LPCAT4: variants seen among roughly 807,000 people sequenced by gnomAD.
The protein encoded by LPCAT4 is lysophosphatidylcholine acyltransferase 4.
A neutral mutation model predicts 66.5 loss-of-function variants in LPCAT4; 30 were observed. The observed-to-expected ratio is 0.45, with a 90% CI of 0.34 to 0.61. The LOEUF (loss-of-function observed/expected upper bound fraction) is 0.61, where lower values mean the gene tolerates loss of function less well. Among genes scored for constraint, LPCAT4 ranks in the 20% least tolerant of loss-of-function variants. The pLI is 0.01. For synonymous variants in LPCAT4, 253 were observed against 262.1 expected, an observed-to-expected ratio of 0.97 and a Z score of 0.34; for missense variants, 557 against 656.7, an observed-to-expected ratio of 0.85 and a Z score of 1.66.
chr15:34,366,032 T>G (rs758006825), intron 1 of LPCAT4: 2 of 240,584 alleles, frequency 8.3e-6, no homozygotes, highest in Non-Finnish European at 8.3e-6. Flanking sequence ...CTGTGCTTGA[T>G]GTACAGTAGG....
At chr15:34,364,590 ATTT>A (rs59218958) in intron 3 of LPCAT4, 100 of 155,888 alleles carry the variant, frequency 6.4e-4, no homozygotes, top group South Asian at 1.4e-3. Context: ...CGCCCGGCTA[ATTT>A]TTTTTTTTTT....
Position 34,362,587 on chromosome 15 carries a change from CTGA to C in LPCAT4, c.867_869del (p.Gln290del). 6.4e-7 allele frequency: 1 copy of C among 1,559,168 alleles called. No individual in the cohort carries two copies. Among genetic ancestry groups the C allele is most frequent in the Non-Finnish European group, 8.7e-7 (1 of 1,152,190 alleles). ...GGGGCACTCACTGTGCCATGACCCTCTGAACATTGTTGGCATAGAGGGTGGGGT... is the reference window on the plus strand; with the variant it reads ...GGGGCACTCACTGTGCCATGACCCTCACATTGTTGGCATAGAGGGTGGGGT... On this transcript the variant is annotated inframe_deletion, in exon 9 of 14. Transcript: ENST00000314891.
chr15:34,361,027 G>A (rs997259120), intron 11 of LPCAT4: 14 of 229,486 alleles, frequency 6.1e-5, no homozygotes, highest in African/African-American at 9.2e-5. Context: ...CTAACTGTCC[G>A]GTGTTGTTTC....
At chr15:34,365,414 C>T (rs1037478424) in intron 2 of LPCAT4, 145 bp downstream of exon 2, 1 of 1,262,840 alleles carries the variant, frequency 7.9e-7, no homozygotes. Flanking sequence ...GTCTGGGAAC[C>T]ACGTCTGAGC....
chr15:34,364,116 A>G (rs1891013252), intron 4 of LPCAT4, 43 bp from the exon 5 acceptor site: 11 of 1,601,960 alleles, frequency 6.9e-6, no homozygotes, highest in Non-Finnish European at 9.4e-6. Context: ...AGACTGAAGA[A>G]GGCTGTGGAG....
intron 1 of LPCAT4, 33 bp downstream of exon 1, chr15:34,366,954 G>A (rs1490991210): frequency 1.3e-6 from 2 of 1,540,300 alleles, no homozygotes; most frequent in Non-Finnish European, 1.8e-6. Context: ...CTATCCTCAC[G>A]GGTCCTTCCG....
At chr15:34,364,538 C>G in intron 3 of LPCAT4, 1 of 400,652 alleles carries the variant, frequency 2.5e-6, no homozygotes, top group Non-Finnish European at 4.5e-6. Flanking sequence ...ATTCTCCTGC[C>G]TCAGCCTCCC....
intron 7 of LPCAT4, 88 bp from the exon 8 acceptor site, chr15:34,362,924 A>G: frequency 2.3e-6 from 3 of 1,331,238 alleles, no homozygotes; most frequent in Non-Finnish European, 3.2e-6. Flanking sequence ...TCCCCAACCC[A>G]GGTGGGGAGT....
chr15:34,364,093 A>G lies in LPCAT4; in HGVS notation c.592-20T>C. ...TAGCACCTGGGGTAAAAAAGAGCAG[A>G]ATGAGGTGAAGAAGACTGAAGAAGG... is the stretch of plus-strand genomic sequence containing the variant. On this transcript the variant is annotated intron_variant, in intron 4 of 13. Transcript: ENST00000314891. The G allele has an allele frequency of 1.2e-6, 2 of 1,610,948 alleles. No individual in the cohort carries two copies. The highest frequency in any genetic ancestry group is 8.5e-7 in the Non-Finnish European group (1 of 1,177,210).
chr15:34,363,798 G>A lies in LPCAT4; in HGVS notation c.653-79C>T, dbSNP rs1434054863. Reference sequence around the variant, plus strand: ...TAGCTAGAGGGCATGAGGTATGGCAGTCTGGGACAGTTCTCAAATGAGATA... The same window carrying A: ...TAGCTAGAGGGCATGAGGTATGGCAATCTGGGACAGTTCTCAAATGAGATA... On this transcript the variant is annotated intron_variant, in intron 5 of 13. Coordinates refer to ENST00000314891, the MANE Select transcript of LPCAT4 (RefSeq NM_153613.3). This position sits in a 1 kb window ranked among gnomAD's most constrained non-coding sequence, Gnocchi z 4.3. 1 of 1,506,034 alleles carries A rather than the reference G, an allele frequency of 6.6e-7. No homozygotes were observed. The highest frequency in any genetic ancestry group is 1.4e-5 in the African/African-American group (1 of 72,746). The allele number at this position is 1,506,034 out of a possible 1,614,324, so 93.3% of individuals were successfully genotyped here.
chr15:34,359,489 A>G, intron 13 of LPCAT4, 100 bp downstream of exon 13: 1 of 1,456,646 alleles, frequency 6.9e-7, no homozygotes, highest in Non-Finnish European at 9.3e-7. Flanking sequence ...TCTGATCTCC[A>G]GCACTGGCCA....
intron 12 of LPCAT4, 24 bp downstream of exon 12, chr15:34,360,087 C>A: frequency 2.6e-6 from 4 of 1,531,546 alleles, no homozygotes; most frequent in South Asian, 1.1e-5. Context: ...CTAAGCACCC[C>A]CCACCACCGC....
intron 3 of LPCAT4, chr15:34,364,551 G>A: frequency 2.9e-6 from 1 of 343,632 alleles, no homozygotes. Context: ...AGCCTCCCGA[G>A]TAGCTGGGAT....
intron 3 of LPCAT4, chr15:34,364,791 T>C (rs556017627): frequency 2.2e-4 from 119 of 547,982 alleles, no homozygotes; most frequent in Admixed American, 3.4e-4. Flanking sequence ...TTATAGTAGT[T>C]GTCCTTTTAG....
Position 34,365,231 on chromosome 15 carries a change from G to T in LPCAT4, c.258-3C>A. ...GCACCCCGTTGTGGCACACAGTCCT[G>T]CCAGGGCAAGGCTGGGTATCAGCGG... On this transcript the variant is annotated splice_polypyrimidine_tract_variant and splice_region_variant and intron_variant, in intron 2 of 13. Coordinates refer to ENST00000314891, the MANE Select transcript of LPCAT4 (RefSeq NM_153613.3). The T allele has an allele frequency of 6.3e-7, 1 of 1,599,298 alleles. No homozygotes were observed. The highest frequency in any genetic ancestry group is 8.5e-7 in the Non-Finnish European group (1 of 1,173,544).
rs2140168848 is a variant in LPCAT4 at position 34,364,076 on chromosome 15, G to A, written c.592-3C>T. Reference sequence around the variant, plus strand: ...GTGCCCTCAGGAAAGAATAGCACCTGGGGTAAAAAAGAGCAGAATGAGGTG... The same window carrying A: ...GTGCCCTCAGGAAAGAATAGCACCTAGGGTAAAAAAGAGCAGAATGAGGTG... On this transcript the variant is annotated splice_region_variant and splice_polypyrimidine_tract_variant and intron_variant, in intron 4 of 13. Transcript: ENST00000314891. 6.2e-7 allele frequency: 1 copy of A among 1,612,394 alleles called. No homozygotes were observed. Among genetic ancestry groups the A allele is most frequent in the Non-Finnish European group, 8.5e-7 (1 of 1,178,462 alleles).
chr15:34,365,641 A>G lies in LPCAT4; in HGVS notation c.175T>C (p.Phe59Leu), dbSNP rs1457475737. Reference protein sequence around the residue: ...IRVLLAFIVLFLLWPFAWLQV... With the variant: ...IRVLLAFIVLLLLWPFAWLQV... ...AGCCAGGCAAAGGGCCAGAGGAGAAAGAGGACGATAAAGGCCAGAAGCACT... is the reference window on the plus strand; with the variant it reads ...AGCCAGGCAAAGGGCCAGAGGAGAAGGAGGACGATAAAGGCCAGAAGCACT... The change falls in exon 2 of 14, where the codon TTT becomes CTT. Residue 59 changes from phenylalanine to leucine, a missense_variant. By Grantham distance (22) the Phe-to-Leu change is conservative (BLOSUM62 0). Transcript: ENST00000314891. The G allele has an allele frequency of 1.2e-6, 2 of 1,614,230 alleles. No individual in the cohort carries two copies. Among genetic ancestry groups the G allele is most frequent in the African/African-American group, 1.3e-5 (1 of 75,068 alleles).
Position 34,360,199 on chromosome 15 carries a change from C to T in LPCAT4, c.1154G>A (p.Gly385Asp), listed in dbSNP as rs755255766. 3.7e-6 allele frequency: 6 copies of T among 1,613,942 alleles called. No individual in the cohort carries two copies. The highest frequency in any genetic ancestry group is 4.2e-6 in the Non-Finnish European group (5 of 1,179,962). ...AFGYFQQDTKGLVDFRDVALA... is the reference protein window; with the variant it reads ...AFGYFQQDTKDLVDFRDVALA... ...GGCCACATCTCGGAAGTCCACCAAACCCTTGGTATCCTGGTGTGAAAAAGA... is the reference window on the plus strand; with the variant it reads ...GGCCACATCTCGGAAGTCCACCAAATCCTTGGTATCCTGGTGTGAAAAAGA... Residue 385 changes from glycine to aspartate, a missense_variant, in exon 12 of 14, where the codon GGT becomes GAT. By Grantham distance (94) the Gly-to-Asp change is moderately conservative. Transcript: ENST00000314891.
Position 34,367,073 on chromosome 15 carries a change from C to G in LPCAT4, c.28G>C (p.Ala10Pro), listed in dbSNP as rs757794901. The change falls in exon 1 of 14, where the codon GCC becomes CCC. Residue 10 changes from alanine to proline, a missense_variant. Transcript: ENST00000314891. MSQGSPGDW[A>P]PLDPTPGPPA... ...GGTCCGGGGGTGGGATCTAGGGGGG[C>G]CCAGTCCCCCGGACTTCCCTGGCTC... The G allele has an allele frequency of 1.6e-5, 25 of 1,552,876 alleles. No homozygotes were observed. The highest frequency in any genetic ancestry group is 4.8e-5 in the East Asian group (2 of 42,060).
Sources: allele counts gnomAD v4.1 joint callset, GRCh38; gene constraint gnomAD v4.1.1; non-coding constraint Gnocchi (gnomAD v3.1); transcripts MANE v1.5; gene names NCBI Gene and HGNC (gene_info 2026-07-23, HGNC 2026-07-21).